Variants in SLCO4C1 observed in about 807,000 individuals in gnomAD.
SLCO4C1 encodes the protein solute carrier organic anion transporter family member 4C1.
A neutral mutation model predicts 72.1 loss-of-function variants in SLCO4C1; 58 were observed. The ratio of observed to expected loss-of-function variants is 0.80; its 90% CI spans 0.65 to 1.00. The LOEUF is 1.00. SLCO4C1 is among the 50% of genes least tolerant of loss of function. SLCO4C1 has a pLI of 0.00. For synonymous variants in SLCO4C1, 297 were observed against 312.5 expected (o/e 0.95, Z 0.52); for missense variants, 898 against 857.9 (o/e 1.05, Z -0.58).
At chr5:102,269,928 A>G (rs575357437) in intron 3 of SLCO4C1, among the ~76,000 whole-genome samples, 7 of 151,726 alleles carry the variant, frequency 4.6e-5, no homozygotes, top group African/African-American at 1.7e-4. Context: ...GGGTGGGCGC[A>G]GCAGTGTATT....
intron 1 of SLCO4C1, among the ~76,000 whole-genome samples, chr5:102,293,318 T>C (rs1477963338): frequency 6.6e-6 from 1 of 152,130 alleles, no homozygotes; most frequent in Non-Finnish European, 1.5e-5. Flanking sequence ...AGAATTGTCT[T>C]TATGGTAAAA....
At position 102,237,067 on chromosome 5, in the gene SLCO4C1, A is replaced by G. The variant is rs1228425906; in HGVS notation, c.2015-49T>C. 5 of 1,491,180 alleles carry G rather than the reference A, an allele frequency of 3.4e-6. No homozygotes were observed. The African/African-American group carries it at 7.1e-5, about 21-fold the overall frequency. The allele number at this position is 1,491,180 out of a possible 1,614,324, so 92.4% of individuals were successfully genotyped here. On this transcript the variant is annotated intron_variant, in intron 12 of 12. Coordinates refer to ENST00000310954, the MANE Select transcript of SLCO4C1 (RefSeq NM_180991.5). ...ATGTGCTTTTGTTTTTAATTATGATAAAAATTATCACTGAGAAAAATCTTC... is the reference window on the plus strand; with the variant it reads ...ATGTGCTTTTGTTTTTAATTATGATGAAAATTATCACTGAGAAAAATCTTC...
At position 102,249,741 on chromosome 5, in the gene SLCO4C1, T is replaced by C; in HGVS notation, c.1517A>G (p.Asn506Ser). 6.2e-7 allele frequency: 1 copy of C among 1,613,940 alleles called. No individual in the cohort carries two copies. Among genetic ancestry groups the C allele is most frequent in the Non-Finnish European group, 8.5e-7 (1 of 1,179,918 alleles). Reference protein sequence around the residue: ...NLIAPCNANCNCSRSYYYPVC... With the variant: ...NLIAPCNANCSCSRSYYYPVC... ...AGGATAATAATATGATCGCGAACAGTTACAATTGGCATTACAAGGGGCTAT... is the reference window on the plus strand; with the variant it reads ...AGGATAATAATATGATCGCGAACAGCTACAATTGGCATTACAAGGGGCTAT... The change falls in exon 9 of 13, where the codon AAC becomes AGC. Residue 506 changes from asparagine (N) to serine (S), a missense_variant. Transcript: ENST00000310954.
At chr5:102,239,477 T>C (rs1433324366) in intron 11 of SLCO4C1, 89 bp from the exon 12 acceptor site, 15 of 947,692 alleles carry the variant, frequency 1.6e-5, no homozygotes, top group Non-Finnish European at 2.8e-6. Flanking sequence ...ATATATTTTA[T>C]AGAAATAAAA....
intron 2 of SLCO4C1, among the ~76,000 whole-genome samples, chr5:102,285,474 A>G (rs775043533): frequency 1.3e-5 from 2 of 152,010 alleles, no homozygotes; most frequent in Non-Finnish European, 2.9e-5. Flanking sequence ...TAGTAGGGAC[A>G]GGGTTTCACC....
In SLCO4C1 at chr5:102,234,570, T is replaced by C. The variant is rs1215581336; in HGVS notation, c.*2288A>G. Reference sequence around the variant, plus strand: ...AGCTAAGAATCTTTATAAACGCCAATGATTTAGTGACCTGTTTATCAAACT... The same window carrying C: ...AGCTAAGAATCTTTATAAACGCCAACGATTTAGTGACCTGTTTATCAAACT... On this transcript the variant is annotated 3_prime_UTR_variant, in exon 13 of 13. Coordinates refer to ENST00000310954, the MANE Select transcript of SLCO4C1 (RefSeq NM_180991.5). The C allele has an allele frequency of 2.6e-5, 4 of 152,290 alleles. No homozygotes were observed. Among genetic ancestry groups the C allele is most frequent in the African/African-American group, 9.6e-5 (4 of 41,454 alleles). 9.4% of individuals were successfully genotyped at this position (152,290 alleles called of 1,614,324 possible). A position where few individuals can be genotyped will look rare whatever the true frequency, so the allele number is the denominator to read the frequency against.
rs1301452068 is a variant in SLCO4C1 at position 102,247,394 on chromosome 5, T to C, written c.1669A>G (p.Thr557Ala). The C allele has an allele frequency of 1.9e-6, 3 of 1,591,554 alleles. No homozygotes were observed. The highest frequency in any genetic ancestry group is 2.6e-6 in the Non-Finnish European group (3 of 1,163,354). ...CIERKTEITS[T>A]AETFGFEAKA... ...GCTTCAAAACCAAAAGTTTCTGCAG[T>C]GGATGTTATTTCTGTTTTCCTTTCA... Residue 557 changes from threonine (T) to alanine (A), a missense_variant, in exon 10 of 13, where the codon ACT (threonine) becomes GCT (alanine). Physicochemically the swap from Thr to Ala is moderately conservative, Grantham distance 58. Transcript: ENST00000310954.
chr5:102,269,677 C>T (rs187232080), intron 3 of SLCO4C1, among the ~76,000 whole-genome samples: 44 of 152,188 alleles, frequency 2.9e-4, no homozygotes, highest in African/African-American at 9.6e-4. Context: ...CCTTTTTAGG[C>T]ATTTCACAGA....
In SLCO4C1 at chr5:102,236,913, A is replaced by G. The variant is rs1748446447; in HGVS notation, c.2120T>C (p.Val707Ala). ...TDVSFHKENAVVTNVLAEQDL... is the reference protein window; with the variant it reads ...TDVSFHKENAAVTNVLAEQDL... ...CTGTTCTGCTAAAACATTAGTCACA[A>G]CTGCATTCTCTTTATGAAATGACAC... Residue 707 changes from valine (V) to alanine (A), a missense_variant, in exon 13 of 13, where the codon GTT becomes GCT. Physicochemically the swap from Val to Ala is moderately conservative, Grantham distance 64. Coordinates refer to ENST00000310954, the MANE Select transcript of SLCO4C1 (RefSeq NM_180991.5). 1.2e-6 allele frequency: 2 copies of G among 1,613,102 alleles called. No individual in the cohort carries two copies. The highest frequency in any genetic ancestry group is 1.7e-6 in the Non-Finnish European group (2 of 1,179,718).
At chr5:102,260,703 C>G (rs1326962847) in intron 5 of SLCO4C1, among the ~76,000 whole-genome samples, 1 of 151,982 alleles carries the variant, frequency 6.6e-6, no homozygotes, top group Non-Finnish European at 1.5e-5. Flanking sequence ...AAATGGTTCT[C>G]TTTTTGATCT....
chr5:102,267,050 G>C (rs1157194111), intron 3 of SLCO4C1, among the ~76,000 whole-genome samples: 1 of 152,086 alleles, frequency 6.6e-6, no homozygotes, highest in African/African-American at 2.4e-5. Context: ...TGAGGAATTT[G>C]TATCTATGTT....
At chr5:102,274,752 C>T (rs921116208) in intron 2 of SLCO4C1, among the ~76,000 whole-genome samples, 3 of 152,196 alleles carry the variant, frequency 2.0e-5, no homozygotes, top group Non-Finnish European at 4.4e-5. Context: ...CAAACACCAT[C>T]TCTCTTTCTC....
intron 2 of SLCO4C1, among the ~76,000 whole-genome samples, chr5:102,285,173 C>T (rs777729687): frequency 1.3e-5 from 2 of 151,098 alleles, no homozygotes; most frequent in African/African-American, 2.4e-5. Context: ...CAGTATTAAA[C>T]AGGAATAGCA....
At chr5:102,245,012 G>T (rs1305948456) in intron 10 of SLCO4C1, among the ~76,000 whole-genome samples, 2 of 152,122 alleles carry the variant, frequency 1.3e-5, no homozygotes, top group African/African-American at 4.8e-5. Flanking sequence ...TGGAACTGTG[G>T]TGTGTAAACT....
chr5:102,271,252 A>T (rs919004403), intron 2 of SLCO4C1, among the ~76,000 whole-genome samples: 2 of 151,950 alleles, frequency 1.3e-5, no homozygotes, highest in Non-Finnish European at 2.9e-5. Context: ...TGTCACTGTC[A>T]TAATATTCTA....
Position 102,261,975 on chromosome 5 carries a change from G to T in SLCO4C1, c.958C>A (p.Leu320Ile), listed in dbSNP as rs201118672. ...AAAGACCAAGCAAAGATCCATGATAGAAGAAACCCAATCCACCAAGCTCCC... is the reference window on the plus strand; with the variant it reads ...AAAGACCAAGCAAAGATCCATGATATAAGAAACCCAATCCACCAAGCTCCC... Reference protein sequence around the residue: ...WLGAWWIGFLLSWIFAWSLII... With the variant: ...WLGAWWIGFLISWIFAWSLII... Residue 320 changes from leucine to isoleucine, a missense_variant, in exon 5 of 13, where the codon CTA becomes ATA. Coordinates refer to ENST00000310954, the MANE Select transcript of SLCO4C1 (RefSeq NM_180991.5). 8.2e-5 allele frequency: 133 copies of T among 1,613,034 alleles called. No individual in the cohort carries two copies. The highest frequency in any genetic ancestry group is 1.1e-4 in the Non-Finnish European group (132 of 1,179,444).
chr5:102,252,168 C>G (rs894536433), intron 8 of SLCO4C1, among the ~76,000 whole-genome samples: 1 of 151,896 alleles, frequency 6.6e-6, no homozygotes, highest in Non-Finnish European at 1.5e-5. Flanking sequence ...GGAGGAGAAG[C>G]AAACCTCTGC....
rs1580245071 is a variant in SLCO4C1 at position 102,252,467 on chromosome 5, T to G, written c.1470-2679A>C. ...GATTTATCTTTATCAAGTATGATGA[T>G]AATATCAAGGGTTGATCACATTCAC... On this transcript the variant is annotated intron_variant, in intron 8 of 12. Coordinates refer to ENST00000310954, the MANE Select transcript of SLCO4C1 (RefSeq NM_180991.5). Among the ~76,000 whole-genome samples the G allele has an allele frequency of 2.0e-5, 3 of 152,272 alleles. No individual in the cohort carries two copies. The South Asian group carries it at 6.2e-4, about 32-fold the overall frequency.
intron 6 of SLCO4C1, 123 bp downstream of exon 6, chr5:102,260,088 GTA>G (rs72386816): frequency 0.22 from 53,705 of 247,090 alleles, 7,354 homozygotes; most frequent in Middle Eastern, 0.26. Flanking sequence ...GGTTGTATTT[GTA>G]TATATATATG....
Sources: allele counts gnomAD v4.1 joint callset (sites outside exome capture counted in the v4.1 genomes callset), GRCh38; gene constraint gnomAD v4.1.1; transcripts MANE v1.5; gene names NCBI Gene and HGNC (gene_info 2026-07-23, HGNC 2026-07-21).